TRPV3: variants seen among roughly 807,000 people sequenced by gnomAD.
TRPV3 encodes the protein transient receptor potential cation channel subfamily V member 3.
TRPV3 carries 88 observed loss-of-function variants against 87.1 expected under a neutral mutation model. The ratio of observed to expected loss-of-function variants is 1.01; its 90% CI spans 0.85 to 1.21. TRPV3 has a LOEUF of 1.21. Among genes scored for constraint, TRPV3 ranks in the 50% most tolerant of loss-of-function variants. The probability of loss-of-function intolerance (pLI) is 0.00; values close to 1 mark genes in which losing one functional copy is unlikely to be tolerated. For synonymous variants in TRPV3, 438 were observed against 423.3 expected (o/e 1.03, Z -0.43); for missense variants, 1,054 against 1,030.1 (o/e 1.02, Z -0.32).
chr17:3,514,375 G>A lies in TRPV3; in HGVS notation c.2278+218C>T, dbSNP rs1316974745. On this transcript the variant is annotated intron_variant, in intron 17 of 17. Transcript: ENST00000576742. ...ATTACAGGCACGAGCCACCGCGCCC[G>A]GCCTGCATGATGTGTTTCTATGGCT... 39 of 576,206 alleles carry A rather than the reference G, an allele frequency of 6.8e-5. 2 individuals carry two copies. The South Asian group carries it at 7.0e-4, about 10-fold the overall frequency. The allele number at this position is 576,206 out of a possible 1,614,324, so 35.7% of individuals were successfully genotyped here. A position where few individuals can be genotyped will look rare whatever the true frequency, so the allele number is the denominator to read the frequency against.
In TRPV3 at chr17:3,513,906, G is replaced by A. The variant is rs1283625093; in HGVS notation, c.*11C>T. On this transcript the variant is annotated 3_prime_UTR_variant, in exon 18 of 18. Coordinates refer to ENST00000576742, the MANE Select transcript of TRPV3 (RefSeq NM_145068.4). ...GACAGCGCACGCGCACACCAGCTCTGGGTTCCGCTTCTACACCGAGGTTTC... is the reference window on the plus strand; with the variant it reads ...GACAGCGCACGCGCACACCAGCTCTAGGTTCCGCTTCTACACCGAGGTTTC... 1 of 1,612,114 alleles carries A rather than the reference G, an allele frequency of 6.2e-7. No individual in the cohort carries two copies. The highest frequency in any genetic ancestry group is 8.5e-7 in the Non-Finnish European group (1 of 1,178,242).
chr17:3,523,951 C>G (rs116801091), intron 13 of TRPV3, among the ~76,000 whole-genome samples: 3,545 of 151,908 alleles, frequency 0.023, 152 homozygotes, highest in African/African-American at 0.083. Context: ...TTTACCAGCA[C>G]GCCACTGCCC....
At position 3,514,573 on chromosome 17, in the gene TRPV3, T is replaced by C. The variant is rs2074156839; in HGVS notation, c.2278+20A>G. On this transcript the variant is annotated intron_variant, in intron 17 of 17. Coordinates refer to ENST00000576742, the MANE Select transcript of TRPV3 (RefSeq NM_145068.4). ...GTCTGAGACAGGAGCGGACACCATG[T>C]CACCTCACAGCGACAGTACCTGTTC... 6.3e-7 allele frequency: 1 copy of C among 1,593,796 alleles called. No individual in the cohort carries two copies. The highest frequency in any genetic ancestry group is 1.1e-5 in the South Asian group (1 of 90,628).
intron 8 of TRPV3, among the ~76,000 whole-genome samples, chr17:3,531,966 T>A (rs2074352996): frequency 6.6e-6 from 1 of 152,094 alleles, no homozygotes; most frequent in South Asian, 2.1e-4. Context: ...TCTGATGGCG[T>A]CCCAGGAGCC....
rs1383680295 is a variant in TRPV3 at position 3,516,479 on chromosome 17, C to A, written c.2176G>T (p.Asp726Tyr). ...TACCGCAAACACAGTCGGAAATCAT[C>A]CTCGGCCACTTTGCACAGCTCTCCC... is the stretch of plus-strand genomic sequence containing the variant. Reference protein sequence around the residue: ...RMGELCKVAEDDFRLCLRINE... With the variant: ...RMGELCKVAEYDFRLCLRINE... Residue 726 changes from aspartate (D) to tyrosine (Y), a missense_variant, in exon 16 of 18, where the codon GAT becomes TAT. Asp to Tyr is a radical substitution (Grantham distance 160, BLOSUM62 -3). Coordinates refer to ENST00000576742, the MANE Select transcript of TRPV3 (RefSeq NM_145068.4). The A allele has an allele frequency of 6.2e-7, 1 of 1,614,016 alleles. No homozygotes were observed. Among genetic ancestry groups the A allele is most frequent in the African/African-American group, 1.3e-5 (1 of 74,904 alleles).
Position 3,513,944 on chromosome 17 carries a change from G to C in TRPV3, c.2346C>G (p.Val782=). ...ACACCGAGGTTTCCGGGAATTCCTC[G>C]ACTTCTTCAAATGCATTGAGAGTGG... is the stretch of plus-strand genomic sequence containing the variant. ...SKTTLNAFEE[V]EEFPETSV The change falls in exon 18 of 18, where the codon GTC becomes GTG. Residue 782 remains valine, a synonymous_variant. Transcript: ENST00000576742. 6.2e-7 allele frequency: 1 copy of C among 1,614,140 alleles called. No individual in the cohort carries two copies. The highest frequency in any genetic ancestry group is 8.5e-7 in the Non-Finnish European group (1 of 1,179,994).
chr17:3,514,049 ACTCTGCATAGTGTGTTTC>A, intron 17 of TRPV3, 38 bp from the exon 18 acceptor site: 1 of 1,473,626 alleles, frequency 6.8e-7, no homozygotes, highest in Non-Finnish European at 9.3e-7. Context: ...GAAATATATC[ACTCTGCATAGTGTGTTTC>A]TTTTTTCTTT....
rs930949401 is a variant in TRPV3 at position 3,528,881 on chromosome 17, T to C, written c.1357A>G (p.Ile453Val). The change falls in exon 10 of 18, where the codon ATC becomes GTC. Residue 453 changes from isoleucine to valine, a missense_variant. Physicochemically the swap from Ile to Val is conservative, Grantham distance 29. Transcript: ENST00000576742. The surrounding 1 kb of genome is among the most constrained non-coding windows in gnomAD (Gnocchi z 4.2). ...LSFCFYFFYN[I>V]TLTLVSYYRP... ...TAGTACGAGACGAGGGTCAGGGTGA[T>C]GTTGTAGAAGAAATAAAAGCAGAAG... The C allele has an allele frequency of 3.1e-6, 5 of 1,613,974 alleles. No homozygotes were observed. The African/African-American group carries it at 5.3e-5, about 17-fold the overall frequency.
chr17:3,544,992 C>T (rs994060584), intron 3 of TRPV3, among the ~76,000 whole-genome samples, 175 bp downstream of exon 3: 2 of 152,092 alleles, frequency 1.3e-5, no homozygotes, highest in African/African-American at 2.4e-5. Flanking sequence ...CCAGCCTGGG[C>T]AACAGAGCGA....
In TRPV3 at chr17:3,518,928, A is replaced by G. The variant is rs368745461; in HGVS notation, c.1811-78T>C. 22 of 1,462,732 alleles carry G rather than the reference A, an allele frequency of 1.5e-5. No homozygotes were observed. The highest frequency in any genetic ancestry group is 2.0e-5 in the Non-Finnish European group (22 of 1,084,218). 90.6% of individuals were successfully genotyped at this position (1,462,732 alleles called of 1,614,324 possible). A position where few individuals can be genotyped will look rare whatever the true frequency, so the allele number is the denominator to read the frequency against. On this transcript the variant is annotated intron_variant, in intron 14 of 17. Transcript: ENST00000576742. This position sits in a 1 kb window ranked among gnomAD's most constrained non-coding sequence, Gnocchi z 4.3. Reference sequence around the variant, plus strand: ...TACAAGCTTGCGTGTATTTGCCTACATGACAAGCCTGCTGCCTCCTTCTCT... The same window carrying G: ...TACAAGCTTGCGTGTATTTGCCTACGTGACAAGCCTGCTGCCTCCTTCTCT...
intron 2 of TRPV3, among the ~76,000 whole-genome samples, chr17:3,550,249 A>C (rs1359654608): frequency 6.6e-6 from 1 of 152,090 alleles, no homozygotes; most frequent in Non-Finnish European, 1.5e-5. Flanking sequence ...CCAATCTCTC[A>C]TAAGAAGATG....
Position 3,545,186 on chromosome 17 carries a change from C to T in TRPV3, c.205G>A (p.Asp69Asn), listed in dbSNP as rs777484818. The T allele has an allele frequency of 6.2e-7, 1 of 1,613,844 alleles. No homozygotes were observed. The highest frequency in any genetic ancestry group is 8.5e-7 in the Non-Finnish European group (1 of 1,179,848). ...TSPPVFSKPM[D>N]SNIRQCISGN... The stretch of plus-strand genomic sequence containing the variant: ...ACTCACCACTGCCGGATGTTGGAAT[C>T]CATGGGCTTGGAGAAGACAGGAGGA... Residue 69 changes from aspartate (D) to asparagine (N), a missense_variant, in exon 3 of 18, where the codon GAT becomes AAT. Transcript: ENST00000576742.
Position 3,514,031 on chromosome 17 carries a change from A to T in TRPV3, c.2279-20T>A, listed in dbSNP as rs771346013. The T allele has an allele frequency of 6.4e-7, 1 of 1,572,894 alleles. No individual in the cohort carries two copies. Among genetic ancestry groups the T allele is most frequent in the South Asian group, 1.1e-5 (1 of 88,536 alleles). ...TGAAATCTGCTTTTTAAAAAAATAT[A>T]TATTTTAGAAATATATCACTCTGCA... On this transcript the variant is annotated intron_variant, in intron 17 of 17. Transcript: ENST00000576742.
chr17:3,533,823 T>C (rs191421607), intron 7 of TRPV3, among the ~76,000 whole-genome samples: 1 of 152,196 alleles, frequency 6.6e-6, no homozygotes, highest in African/African-American at 2.4e-5. Context: ...AGAGCACTTA[T>C]CATTTCATAT....
intron 6 of TRPV3, among the ~76,000 whole-genome samples, chr17:3,540,413 C>T (rs2074447936): frequency 6.6e-6 from 1 of 152,096 alleles, no homozygotes; most frequent in Admixed American, 6.6e-5. Flanking sequence ...CCCACAGCCT[C>T]CCAGACCTCC....
chr17:3,513,807 A>G lies in TRPV3; in HGVS notation c.*110T>C, dbSNP rs1010764995. On this transcript the variant is annotated 3_prime_UTR_variant, in exon 18 of 18. Transcript: ENST00000576742. ...GAGCACGAGGGTGCACTCTGCTTCT[A>G]GGCCAGCAGAGCCGGACTCCACCAT... 1 of 904,138 alleles carries G rather than the reference A, an allele frequency of 1.1e-6. No homozygotes were observed. The highest frequency in any genetic ancestry group is 1.8e-6 in the Non-Finnish European group (1 of 567,008). The allele number at this position is 904,138 out of a possible 1,614,324, so 56.0% of individuals were successfully genotyped here. A position where few individuals can be genotyped will look rare whatever the true frequency, so the allele number is the denominator to read the frequency against.
At chr17:3,543,131 G>A (rs1387120423) in intron 5 of TRPV3, among the ~76,000 whole-genome samples, 4 of 151,484 alleles carry the variant, frequency 2.6e-5, no homozygotes, top group Non-Finnish European at 4.4e-5. Context: ...TGGACCCCCC[G>A]TCCCTCACTC....
At chr17:3,525,307 A>G (rs2074289709) in intron 12 of TRPV3, among the ~76,000 whole-genome samples, 1 of 152,226 alleles carries the variant, frequency 6.6e-6, no homozygotes, top group African/African-American at 2.4e-5. Flanking sequence ...GGCGTGAGCC[A>G]ACGCGCCCAG....
intron 14 of TRPV3, among the ~76,000 whole-genome samples, chr17:3,520,291 G>A (rs1766638428): frequency 6.6e-6 from 1 of 152,152 alleles, no homozygotes; most frequent in African/African-American, 2.4e-5. Context: ...TTAAGAGGGG[G>A]CTCCTTCCTG....
Sources: allele counts gnomAD v4.1 joint callset (sites outside exome capture counted in the v4.1 genomes callset), GRCh38; gene constraint gnomAD v4.1.1; non-coding constraint Gnocchi (gnomAD v3.1); transcripts MANE v1.5; gene names NCBI Gene and HGNC (gene_info 2026-07-23, HGNC 2026-07-21).